Variants in MED28 observed in about 807,000 individuals in gnomAD.
MED28 encodes the protein mediator of RNA polymerase II transcription subunit 28.
In MED28, 26 loss-of-function variants were observed where a neutral mutation model predicts 21.3. The ratio of observed to expected loss-of-function variants is 1.22; its 90% CI spans 0.89 to 1.69. The LOEUF (loss-of-function observed/expected upper bound fraction) is 1.69, where lower values mean the gene tolerates loss of function less well. Ranked by LOEUF, MED28 falls within the 40% of genes most tolerant of loss-of-function variation. The pLI, the probability that MED28 is intolerant of heterozygous loss-of-function variation, is 0.00. For missense variants in MED28, 257 were observed against 215.4 expected (o/e 1.19, Z -1.21); for synonymous variants, 110 against 87.6 (o/e 1.26, Z -1.43).
intron 1 of MED28, among the ~76,000 whole-genome samples, chr4:17,617,066 A>T (rs1377390619): frequency 6.6e-6 from 1 of 152,230 alleles, no homozygotes; most frequent in Non-Finnish European, 1.5e-5. Flanking sequence ...GTGGGAGCAC[A>T]TATAGGTGTG....
At chr4:17,621,021 T>G (rs1411408021) in intron 2 of MED28, among the ~76,000 whole-genome samples, 6 of 148,908 alleles carry the variant, frequency 4.0e-5, no homozygotes, top group African/African-American at 1.2e-4. Flanking sequence ...GCCTTGTGTT[T>G]TTTTTTTTTT....
chr4:17,622,037 T>C (rs1714651639), intron 3 of MED28, among the ~76,000 whole-genome samples: 1 of 152,234 alleles, frequency 6.6e-6, no homozygotes, highest in South Asian at 2.1e-4. Flanking sequence ...AACTGAGATC[T>C]GTGTCCCCAC....
chr4:17,621,556 A>T (rs370772273), intron 2 of MED28, 31 bp from the exon 3 acceptor site: 1 of 1,423,332 alleles, frequency 7.0e-7, no homozygotes, highest in Non-Finnish European at 9.6e-7. Context: ...TGTTTTTCTT[A>T]TTTTAATAAT....
Position 17,614,647 on chromosome 4 carries a change from T to C in MED28, c.-8T>C. 6.2e-7 allele frequency: 1 copy of C among 1,606,218 alleles called. No individual in the cohort carries two copies. Among genetic ancestry groups the C allele is most frequent in the African/African-American group, 1.3e-5 (1 of 74,522 alleles). On this transcript the variant is annotated 5_prime_UTR_variant, in exon 1 of 4. Coordinates refer to ENST00000237380, the MANE Select transcript of MED28 (RefSeq NM_025205.5). ...GGCGCAGTGGATCTCTCTTGCGCCATTCCAAACATGGCGGCTCCACTAGGG... is the reference window on the plus strand; with the variant it reads ...GGCGCAGTGGATCTCTCTTGCGCCACTCCAAACATGGCGGCTCCACTAGGG...
chr4:17,621,113 C>T (rs1487852726), intron 2 of MED28, among the ~76,000 whole-genome samples: 1 of 149,982 alleles, frequency 6.7e-6, no homozygotes, highest in Non-Finnish European at 1.5e-5. Flanking sequence ...CTCCCTGGTT[C>T]AAGCGATCCT....
Position 17,633,590 on chromosome 4 carries a change from CCTT to C in MED28, c.*9795_*9797del. The C allele has an allele frequency of 9.0e-7, 1 of 1,111,458 alleles. No homozygotes were observed. Among genetic ancestry groups the C allele is most frequent in the Non-Finnish European group, 1.2e-6 (1 of 822,588 alleles). 68.8% of individuals were successfully genotyped at this position (1,111,458 alleles called of 1,614,324 possible). A position where few individuals can be genotyped will look rare whatever the true frequency, so the allele number is the denominator to read the frequency against. ...TTGTCTAATCATCCATGAAAAAAGG[CCTT>C]CTGGAATTTGGTACCAGGTGCTAGA... is the stretch of plus-strand genomic sequence containing the variant. On this transcript the variant is annotated 3_prime_UTR_variant, in exon 4 of 4. Coordinates refer to ENST00000237380, the MANE Select transcript of MED28 (RefSeq NM_025205.5).
intron 2 of MED28, among the ~76,000 whole-genome samples, chr4:17,621,018 G>GT (rs10679446): frequency 0.031 from 4,061 of 130,694 alleles, 279 homozygotes; most frequent in African/African-American, 0.1. Flanking sequence ...TCTGCCTTGT[G>GT]TTTTTTTTTT....
chr4:17,619,789 A>G lies in MED28; in HGVS notation c.160-112A>G, dbSNP rs1577231665. 4.6e-6 allele frequency: 4 copies of G among 868,358 alleles called. No individual in the cohort carries two copies. In the Middle Eastern group the frequency reaches 7.4e-4, roughly 160 times the overall value. 53.8% of individuals were successfully genotyped at this position (868,358 alleles called of 1,614,324 possible). ...GTGTCTTGCCATCTCATATGCAAACACAGATGCTGCCACCTCATCAGATGA... is the reference window on the plus strand; with the variant it reads ...GTGTCTTGCCATCTCATATGCAAACGCAGATGCTGCCACCTCATCAGATGA... On this transcript the variant is annotated intron_variant, in intron 1 of 3. Transcript: ENST00000237380.
At position 17,629,532 on chromosome 4, in the gene MED28, G is replaced by A. The variant is rs1714863514; in HGVS notation, c.*5734G>A. On this transcript the variant is annotated 3_prime_UTR_variant, in exon 4 of 4. Transcript: ENST00000237380. Reference sequence around the variant, plus strand: ...ACCTACCCCAATTACAAAACAGTTTGCTTTCATGTGGAACAGATAGTATTC... The same window carrying A: ...ACCTACCCCAATTACAAAACAGTTTACTTTCATGTGGAACAGATAGTATTC... 1 of 152,156 alleles carries A rather than the reference G, an allele frequency of 6.6e-6. No homozygotes were observed. The highest frequency in any genetic ancestry group is 1.9e-4 in the East Asian group (1 of 5,198). The allele number at this position is 152,156 out of a possible 1,614,324, so 9.4% of individuals were successfully genotyped here. A position where few individuals can be genotyped will look rare whatever the true frequency, so the allele number is the denominator to read the frequency against.
At chr4:17,623,195 G>A (rs1234299127) in intron 3 of MED28, among the ~76,000 whole-genome samples, 3 of 152,188 alleles carry the variant, frequency 2.0e-5, no homozygotes, top group Non-Finnish European at 4.4e-5. Context: ...GAGGTCAGGA[G>A]TTCGAGATTA....
rs10028056 is a variant in MED28 at position 17,614,673 on chromosome 4, G to C, written c.19G>C (p.Gly7Arg). Reference protein sequence around the residue: MAAPLGGMFSGQPPGPP... With the variant: MAAPLGRMFSGQPPGPP... The stretch of plus-strand genomic sequence containing the variant: ...TCCAAACATGGCGGCTCCACTAGGG[G>C]GTATGTTTTCTGGGCAGCCACCCGG... Residue 7 changes from glycine to arginine, a missense_variant, in exon 1 of 4, where the codon GGT becomes CGT. Coordinates refer to ENST00000237380, the MANE Select transcript of MED28 (RefSeq NM_025205.5). The C allele has an allele frequency of 5.0e-6, 8 of 1,612,750 alleles. No individual in the cohort carries two copies. The highest frequency in any genetic ancestry group is 1.7e-5 in the Admixed American group (1 of 59,466).
chr4:17,621,917 TG>T (rs1331102910), intron 3 of MED28, among the ~76,000 whole-genome samples: 2 of 152,240 alleles, frequency 1.3e-5, no homozygotes, highest in Admixed American at 6.5e-5. Flanking sequence ...GGAACAGCTC[TG>T]ATGTGACTTG....
chr4:17,631,371 C>CCCAGGCTGGTCTCAAAT lies in MED28; in HGVS notation c.*7574_*7590dup, dbSNP rs1222309999. ...TAGAGATGGAGGTCTCGCTGTGTTG[C>CCCAGGCTGGTCTCAAAT]CCAGGCTGGTCTCAAATTCCTGGCC... On this transcript the variant is annotated 3_prime_UTR_variant, in exon 4 of 4. Transcript: ENST00000237380. 1 of 152,288 alleles carries CCCAGGCTGGTCTCAAAT rather than the reference C, an allele frequency of 6.6e-6. No homozygotes were observed. The highest frequency in any genetic ancestry group is 1.5e-5 in the Non-Finnish European group (1 of 68,214). 9.4% of individuals were successfully genotyped at this position (152,288 alleles called of 1,614,324 possible).
rs1714391463 is a variant in MED28, at chr4:17,614,748, G to C, written c.94G>C (p.Ala32Pro). The C allele has an allele frequency of 6.2e-7, 1 of 1,614,244 alleles. No individual in the cohort carries two copies. The highest frequency in any genetic ancestry group is 8.5e-7 in the Non-Finnish European group (1 of 1,180,038). The change falls in exon 1 of 4, where the codon GCA (alanine) becomes CCA (proline). Residue 32 changes from alanine to proline, a missense_variant. Physicochemically the swap from Ala to Pro is conservative, Grantham distance 27. Coordinates refer to ENST00000237380, the MANE Select transcript of MED28 (RefSeq NM_025205.5). ...GLPGQASLLQAAPGAPRPSSS... is the reference protein window; with the variant it reads ...GLPGQASLLQPAPGAPRPSSS... ...TCCGGGCCAAGCTTCGCTTCTTCAG[G>C]CAGCTCCAGGCGCTCCTAGACCTTC...
chr4:17,618,158 C>T (rs368063487), intron 1 of MED28, among the ~76,000 whole-genome samples: 13 of 151,702 alleles, frequency 8.6e-5, no homozygotes, highest in East Asian at 7.9e-4. Flanking sequence ...ACTACAGGTG[C>T]GCACCACTAC....
intron 1 of MED28, among the ~76,000 whole-genome samples, chr4:17,616,057 T>A (rs1056229847): frequency 9.9e-5 from 15 of 151,796 alleles, no homozygotes; most frequent in Non-Finnish European, 2.1e-4. Flanking sequence ...GCCTCCCGGG[T>A]TCAAGCGATT....
chr4:17,623,594 T>C lies in MED28; in HGVS notation c.340-7T>C, dbSNP rs756972359. 1.9e-6 allele frequency: 3 copies of C among 1,613,466 alleles called. No individual in the cohort carries two copies. Among genetic ancestry groups the C allele is most frequent in the Admixed American group, 3.3e-5 (2 of 60,008 alleles). Reference sequence around the variant, plus strand: ...GCTCTGACTTAGTCCATGACTTTCATCTGCAGGATGTGTCAGAACTAAGGA... The same window carrying C: ...GCTCTGACTTAGTCCATGACTTTCACCTGCAGGATGTGTCAGAACTAAGGA... On this transcript the variant is annotated splice_polypyrimidine_tract_variant and splice_region_variant and intron_variant, in intron 3 of 3. Coordinates refer to ENST00000237380, the MANE Select transcript of MED28 (RefSeq NM_025205.5).
chr4:17,623,534 A>T, intron 3 of MED28, 67 bp from the exon 4 acceptor site: 1 of 1,494,892 alleles, frequency 6.7e-7, no homozygotes, highest in South Asian at 1.1e-5. Flanking sequence ...TTAGCCTCTT[A>T]ACTAACCAGA....
rs1361094448 is a variant in MED28, at chr4:17,625,731, C to T, written c.*1933C>T. The T allele has an allele frequency of 6.9e-6, 3 of 433,958 alleles. No homozygotes were observed. Among genetic ancestry groups the T allele is most frequent in the African/African-American group, 2.0e-5 (1 of 49,190 alleles). The allele number at this position is 433,958 out of a possible 1,614,324, so 26.9% of individuals were successfully genotyped here. ...ACTTTTTCAGGGAGAAAATCACAAG[C>T]CATCTTCTCAAGTTCCCCTAGAAAC... On this transcript the variant is annotated 3_prime_UTR_variant, in exon 4 of 4. Coordinates refer to ENST00000237380, the MANE Select transcript of MED28 (RefSeq NM_025205.5).
Sources: gnomAD v4.1 joint callset for allele counts (sites outside exome capture counted in the v4.1 genomes callset) on GRCh38, gnomAD v4.1.1 for gene constraint, MANE v1.5 for transcripts, NCBI Gene and HGNC (gene_info 2026-07-23, HGNC 2026-07-21) for gene names.